Variants in RREB1 observed in about 807,000 individuals in gnomAD.
The protein encoded by RREB1 is ras responsive element binding protein 1, also known as ras-responsive element-binding protein 1.
A neutral mutation model predicts 117.8 loss-of-function variants in RREB1; 27 were observed. The ratio of observed to expected loss-of-function variants is 0.23; its 90% CI spans 0.17 to 0.32. The LOEUF (loss-of-function observed/expected upper bound fraction) is 0.32, where lower values mean the gene tolerates loss of function less well. Among genes scored for constraint, RREB1 ranks in the 10% least tolerant of loss-of-function variants. The pLI, the probability that RREB1 is intolerant of heterozygous loss-of-function variation, is 1.00. For missense variants in RREB1, 2,577 were observed against 2,378.2 expected (o/e 1.08, Z -1.74); for synonymous variants, 1,298 against 1,026.7 (o/e 1.26, Z -5.05).
chr6:7,125,986 T>TA (rs1366552210), intron 1 of RREB1, among the ~76,000 whole-genome samples: 1 of 134,926 alleles, frequency 7.4e-6, no homozygotes, highest in Non-Finnish European at 1.7e-5. Flanking sequence ...GAAGGACTGT[T>TA]TTTTGTTTGT....
intron 5 of RREB1, among the ~76,000 whole-genome samples, chr6:7,188,545 CCTT>C (rs139347968): frequency 0.037 from 5,616 of 152,044 alleles, 136 homozygotes; most frequent in Non-Finnish European, 0.05. Context: ...TGAGATTTAC[CCTT>C]CTTCTCCTGC....
Position 7,231,817 on chromosome 6 carries a change from A to G in RREB1, c.3718A>G (p.Thr1240Ala). 6.2e-7 allele frequency: 1 copy of G among 1,613,662 alleles called. No individual in the cohort carries two copies. The highest frequency in any genetic ancestry group is 2.2e-5 in the East Asian group (1 of 44,866). The part of the protein sequence containing the change: ...KLLRAKRNSY[T>A]NCLQKITCPH... ...GCTGAGGGCCAAGCGGAACTCGTAC[A>G]CCAACTGCCTGCAGAAGATCACCTG... The change falls in exon 10 of 13, where the codon ACC becomes GCC. Residue 1240 changes from threonine (T) to alanine (A), a missense_variant. Thr to Ala is a moderately conservative substitution (Grantham distance 58). Transcript: ENST00000379938.
chr6:7,247,414 C>T (rs1769153994), intron 12 of RREB1, among the ~76,000 whole-genome samples, 193 bp downstream of exon 12: 2 of 152,174 alleles, frequency 1.3e-5, no homozygotes, highest in South Asian at 4.1e-4. Context: ...TGCAGGCCTC[C>T]TGCAGCCAGG....
At chr6:7,215,139 T>TC (rs897465996) in intron 8 of RREB1, 3 of 152,470 alleles carry the variant, frequency 2.0e-5, no homozygotes, top group Non-Finnish European at 4.4e-5. Flanking sequence ...GACGGAGTGT[T>TC]CAAGAGAGCA....
rs763924130 is a variant in RREB1, at chr6:7,231,625, G to A, written c.3526G>A (p.Gly1176Arg). Residue 1176 changes from glycine (G) to arginine (R), a missense_variant, in exon 10 of 13, where the codon GGG becomes AGG. Coordinates refer to ENST00000379938, the MANE Select transcript of RREB1 (RefSeq NM_001003699.4). Reference protein sequence around the residue: ...NSGGVDLDSSGEFASIEKMLA... With the variant: ...NSGGVDLDSSREFASIEKMLA... ...CGGCGGGGTGGACCTGGACTCCAGC[G>A]GGGAGTTTGCCAGCATCGAGAAGAT... is the stretch of plus-strand genomic sequence containing the variant. 47 of 1,611,768 alleles carry A rather than the reference G, an allele frequency of 2.9e-5. No individual in the cohort carries two copies. The highest frequency in any genetic ancestry group is 3.5e-5 in the Non-Finnish European group (41 of 1,179,534).
intron 4 of RREB1, chr6:7,185,151 A>T (rs1765019150): frequency 6.6e-6 from 1 of 152,274 alleles, no homozygotes; most frequent in African/African-American, 2.4e-5. Context: ...ATAAATGAGT[A>T]CGACTGGGAA....
At chr6:7,247,743 A>C (rs1377261345) in intron 12 of RREB1, among the ~76,000 whole-genome samples, 1 of 152,124 alleles carries the variant, frequency 6.6e-6, no homozygotes, top group Non-Finnish European at 1.5e-5. Context: ...TGCCCTTCAC[A>C]CCGTTCTAGA....
chr6:7,159,770 G>A (rs753318378), intron 1 of RREB1, among the ~76,000 whole-genome samples: 4 of 152,224 alleles, frequency 2.6e-5, no homozygotes, highest in Admixed American at 6.5e-5. Flanking sequence ...GATTAAATCT[G>A]CTGAGGGTCA....
At chr6:7,108,809 C>G (rs991360177) in intron 1 of RREB1, 2 of 151,628 alleles carry the variant, frequency 1.3e-5, no homozygotes, top group African/African-American at 4.8e-5. Flanking sequence ...ACCTCCCGGG[C>G]GGACGGCGCC....
At chr6:7,167,155 T>C (rs1327236253) in intron 1 of RREB1, among the ~76,000 whole-genome samples, 4 of 152,164 alleles carry the variant, frequency 2.6e-5, no homozygotes, top group African/African-American at 9.7e-5. Flanking sequence ...TAGTGTGTAC[T>C]TCCGTAATTA....
intron 1 of RREB1, among the ~76,000 whole-genome samples, chr6:7,146,039 G>A (rs956294799): frequency 4.6e-5 from 7 of 150,754 alleles, no homozygotes; most frequent in African/African-American, 1.5e-4. Context: ...CCTGCTCTGC[G>A]CACCGTCTCC....
Position 7,248,848 on chromosome 6 carries a change from C to T in RREB1, c.5109C>T (p.Asp1703=). Reference sequence around the variant, plus strand: ...GGCCGTCTGAGCCTGGCCAGGGTGACCTTAACCCAGAGAGCCCGGCGGCCC... The same window carrying T: ...GGCCGTCTGAGCCTGGCCAGGGTGATCTTAACCCAGAGAGCCCGGCGGCCC... ...AGWPSEPGQG[D]LNPESPAALG... Residue 1703 remains aspartate, a synonymous_variant, in exon 13 of 13, where the codon GAC becomes GAT. Coordinates refer to ENST00000379938, the MANE Select transcript of RREB1 (RefSeq NM_001003699.4). The T allele has an allele frequency of 1.2e-6, 2 of 1,609,640 alleles. No individual in the cohort carries two copies. The highest frequency in any genetic ancestry group is 1.1e-5 in the South Asian group (1 of 90,598).
chr6:7,166,878 C>T (rs763919440), intron 1 of RREB1, among the ~76,000 whole-genome samples: 6 of 152,140 alleles, frequency 3.9e-5, no homozygotes, highest in Admixed American at 6.5e-5. Flanking sequence ...GCCAGCCCGG[C>T]GACCTCAGGG....
intron 5 of RREB1, among the ~76,000 whole-genome samples, chr6:7,188,613 A>G (rs1371016565): frequency 3.3e-5 from 5 of 152,238 alleles, no homozygotes; most frequent in South Asian, 4.1e-4. Context: ...AGGATTGATG[A>G]CCTAGTAAAA....
chr6:7,228,521 T>A (rs957814286), intron 9 of RREB1, among the ~76,000 whole-genome samples: 19 of 140,020 alleles, frequency 1.4e-4, no homozygotes, highest in Middle Eastern at 7.5e-3. Context: ...TTTTTTTTTT[T>A]AAGGCAGAGT....
At chr6:7,203,804 G>T (rs920854099) in intron 6 of RREB1, among the ~76,000 whole-genome samples, 1 of 152,330 alleles carries the variant, frequency 6.6e-6, no homozygotes, top group African/African-American at 2.4e-5. Flanking sequence ...GAAAGTGGGG[G>T]CTTGTAGAAG....
chr6:7,182,848 G>C (rs1277375194), intron 4 of RREB1, among the ~76,000 whole-genome samples: 1 of 152,186 alleles, frequency 6.6e-6, no homozygotes, highest in Middle Eastern at 3.2e-3. Context: ...AATTTAATGA[G>C]ACTATACTAA....
At chr6:7,178,431 G>A (rs1198790054) in intron 2 of RREB1, among the ~76,000 whole-genome samples, 1 of 152,192 alleles carries the variant, frequency 6.6e-6, no homozygotes, top group African/African-American at 2.4e-5. Flanking sequence ...TGGCCAGCTT[G>A]CTCTGGTTCG....
At chr6:7,243,740 C>G (rs1361183925) in intron 11 of RREB1, among the ~76,000 whole-genome samples, 4 of 152,164 alleles carry the variant, frequency 2.6e-5, no homozygotes. Context: ...CGGGTGATCT[C>G]TCTCCATTAT....
Sources: gnomAD v4.1 joint callset for allele counts (sites outside exome capture counted in the v4.1 genomes callset) on GRCh38, gnomAD v4.1.1 for gene constraint, MANE v1.5 for transcripts, NCBI Gene and HGNC (gene_info 2026-07-23, HGNC 2026-07-21) for gene names.